The following MORN5 variants were observed in gnomAD, a reference collection of about 807,000 sequenced individuals.
MORN5 encodes the protein MORN repeat-containing protein 5.
In MORN5, 21 loss-of-function variants were observed where a neutral mutation model predicts 22.1. That is an observed-to-expected ratio of 0.95 (90% CI 0.67 to 1.37). The LOEUF (loss-of-function observed/expected upper bound fraction) is 1.37, where lower values mean the gene tolerates loss of function less well. Ranked by LOEUF, MORN5 falls within the 40% of genes most tolerant of loss-of-function variation. The pLI is 0.00. For synonymous variants in MORN5, 73 were observed against 74.0 expected (o/e 0.99, Z 0.07); for missense variants, 211 against 215.1 (o/e 0.98, Z 0.12).
chr9:122,192,101 G>A, intron 4 of MORN5, among the ~76,000 whole-genome samples: 1 of 152,252 alleles, frequency 6.6e-6, no homozygotes, highest in Admixed American at 6.5e-5. Flanking sequence ...GTGGCTCAGA[G>A]ATGGGAGTGA....
At chr9:122,168,787 TC>T (rs1156976881) in intron 2 of MORN5, among the ~76,000 whole-genome samples, 1 of 152,134 alleles carries the variant, frequency 6.6e-6, no homozygotes, top group African/African-American at 2.4e-5. Flanking sequence ...CAGTCAGGGT[TC>T]TTCAGAGACA....
intron 4 of MORN5, among the ~76,000 whole-genome samples, chr9:122,192,000 C>T (rs1829779553): frequency 6.6e-6 from 1 of 152,228 alleles, no homozygotes; most frequent in Non-Finnish European, 1.5e-5. Flanking sequence ...GCTTCCATTC[C>T]TGGGTGCCCA....
At chr9:122,186,611 C>T (rs1651762379) in intron 4 of MORN5, among the ~76,000 whole-genome samples, 1 of 152,146 alleles carries the variant, frequency 6.6e-6, no homozygotes. Context: ...TCTCCCCACC[C>T]CAGTTCCAAA....
intron 1 of MORN5, among the ~76,000 whole-genome samples, chr9:122,160,532 T>TTTCTTTTC (rs1190120276): frequency 1.3e-5 from 2 of 151,342 alleles, no homozygotes; most frequent in Non-Finnish European, 2.9e-5. Flanking sequence ...ACAGTTTTTT[T>TTTCTTTTC]TTCTTTTCTT....
chr9:122,188,805 G>A (rs12003609), intron 4 of MORN5, among the ~76,000 whole-genome samples: 2,409 of 152,338 alleles, frequency 0.016, 62 homozygotes, highest in African/African-American at 0.051. Flanking sequence ...GCACACATGC[G>A]TTCTGCAGTG....
chr9:122,185,976 A>G (rs1829625647), intron 4 of MORN5, among the ~76,000 whole-genome samples: 1 of 152,196 alleles, frequency 6.6e-6, no homozygotes, highest in Non-Finnish European at 1.5e-5. Context: ...CCGAAATGTT[A>G]TAATCACCTG....
chr9:122,178,607 T>C (rs966952686), intron 4 of MORN5, among the ~76,000 whole-genome samples: 2 of 152,360 alleles, frequency 1.3e-5, no homozygotes, highest in East Asian at 1.9e-4. Context: ...TATAGTTCTC[T>C]TTCTGTAACT....
intron 4 of MORN5, among the ~76,000 whole-genome samples, chr9:122,180,638 T>C (rs1450943005): frequency 2.0e-5 from 3 of 152,186 alleles, no homozygotes; most frequent in Non-Finnish European, 4.4e-5. Flanking sequence ...AGGCACTAAA[T>C]TGATTTCACA....
chr9:122,166,948 A>G (rs1388967714), intron 2 of MORN5, 33 bp downstream of exon 2: 1 of 1,596,598 alleles, frequency 6.3e-7, no homozygotes, highest in Non-Finnish European at 8.5e-7. Flanking sequence ...GCTGTGGAGG[A>G]GAGATCCTCA....
chr9:122,174,666 C>T (rs934653001), intron 4 of MORN5, 39 bp downstream of exon 4: 1 of 1,613,472 alleles, frequency 6.2e-7, no homozygotes, highest in African/African-American at 1.3e-5. Flanking sequence ...TTTCTCTTCA[C>T]CCACATATGA....
chr9:122,164,672 C>A, intron 1 of MORN5: 1 of 980,478 alleles, frequency 1.0e-6, no homozygotes. Flanking sequence ...GGGGTCTAAC[C>A]TCAGAGAAGG....
intron 4 of MORN5, among the ~76,000 whole-genome samples, chr9:122,187,902 G>A (rs1318734825): frequency 6.6e-6 from 1 of 152,152 alleles, no homozygotes; most frequent in Non-Finnish European, 1.5e-5. Flanking sequence ...GTGGAGTTTG[G>A]CTAGGCCTAA....
At chr9:122,174,955 G>C (rs1471955016) in intron 4 of MORN5, 2 of 873,262 alleles carry the variant, frequency 2.3e-6, no homozygotes. Context: ...CTTGGTGTTG[G>C]GGGAAAAGCA....
At chr9:122,193,423 A>G (rs1162286613) in intron 4 of MORN5, among the ~76,000 whole-genome samples, 4 of 152,116 alleles carry the variant, frequency 2.6e-5, no homozygotes, top group African/African-American at 9.7e-5. Flanking sequence ...CATCTCTACT[A>G]AAAATACAAA....
chr9:122,179,215 A>C (rs16911534), intron 4 of MORN5, among the ~76,000 whole-genome samples: 10,208 of 152,170 alleles, frequency 0.067, 1,193 homozygotes, highest in African/African-American at 0.23. Context: ...TAACAGTATG[A>C]AAGGAGACAA....
intron 4 of MORN5, among the ~76,000 whole-genome samples, chr9:122,189,253 A>G (rs1431434153): frequency 6.6e-6 from 1 of 152,030 alleles, no homozygotes; most frequent in Non-Finnish European, 1.5e-5. Context: ...AACACTACTC[A>G]TATGCATCTG....
chr9:122,167,056 C>CTTTTTTTT, intron 2 of MORN5, 141 bp downstream of exon 2: 3 of 445,888 alleles, frequency 6.7e-6, no homozygotes, highest in Non-Finnish European at 1.1e-5. Context: ...ACTCCCCCCA[C>CTTTTTTTT]TTTTTTTTTT....
At chr9:122,166,219 G>T (rs1414567274) in intron 1 of MORN5, among the ~76,000 whole-genome samples, 1 of 151,854 alleles carries the variant, frequency 6.6e-6, no homozygotes, top group Admixed American at 6.6e-5. Flanking sequence ...GGGATTATGG[G>T]AGCTACAATT....
chr9:122,200,000 C>A lies in MORN5; in HGVS notation c.*69C>A. On this transcript the variant is annotated 3_prime_UTR_variant, in exon 5 of 5. Coordinates refer to ENST00000373764, the MANE Select transcript of MORN5 (RefSeq NM_198469.4). ...TGCCTCCACCAGAGGTTTCCATCTG[C>A]CCTACTAGCATTGGCTGCCCTGGGG... 1 of 1,520,384 alleles carries A rather than the reference C, an allele frequency of 6.6e-7. No homozygotes were observed. Among genetic ancestry groups the A allele is most frequent in the Non-Finnish European group, 9.1e-7 (1 of 1,095,004 alleles). The allele number at this position is 1,520,384 out of a possible 1,614,324, so 94.2% of individuals were successfully genotyped here.
Sources: allele counts gnomAD v4.1 joint callset (sites outside exome capture counted in the v4.1 genomes callset), GRCh38; gene constraint gnomAD v4.1.1; transcripts MANE v1.5; gene names NCBI Gene and HGNC (gene_info 2026-07-23, HGNC 2026-07-21).